The following DTNA variants were observed in gnomAD, a reference collection of about 807,000 sequenced individuals.
The protein encoded by DTNA is dystrobrevin alpha.
A neutral mutation model predicts 100.7 loss-of-function variants in DTNA; 43 were observed. The observed-to-expected ratio is 0.43, with a 90% confidence interval of 0.33 to 0.55. The LOEUF is 0.55. Among genes scored for constraint, DTNA ranks in the 20% least tolerant of loss-of-function variants. The probability of loss-of-function intolerance (pLI) is 0.04; values close to 1 mark genes in which losing one functional copy is unlikely to be tolerated. For missense variants in DTNA, 798 were observed against 953.9 expected (o/e 0.84, Z 2.15); for synonymous variants, 349 against 347.9 (o/e 1.00, Z -0.04).
intron 2 of DTNA, among the ~76,000 whole-genome samples, chr18:34,759,323 G>T (rs116069684): frequency 2.9e-3 from 446 of 152,254 alleles, no homozygotes; most frequent in African/African-American, 0.011. Context: ...CTTTTCTGTT[G>T]TTTTACTCTC....
At chr18:34,807,985 C>T (rs554467159) in intron 5 of DTNA, among the ~76,000 whole-genome samples, 1 of 150,922 alleles carries the variant, frequency 6.6e-6, no homozygotes, top group South Asian at 2.1e-4. Context: ...GTTCTGAGAA[C>T]CTTGTCTGCC....
At chr18:34,687,421 G>A (rs572878111) in intron 1 of DTNA, among the ~76,000 whole-genome samples, 2 of 152,280 alleles carry the variant, frequency 1.3e-5, no homozygotes, top group Admixed American at 6.5e-5. Context: ...TCAGGAGCAG[G>A]TTGTTCAGTT....
chr18:34,671,848 G>A (rs1033156906), intron 1 of DTNA, among the ~76,000 whole-genome samples: 2 of 152,122 alleles, frequency 1.3e-5, no homozygotes, highest in African/African-American at 4.8e-5. Flanking sequence ...TCTTAGAAGT[G>A]TGCAGTGGGC....
rs146673765 is a variant in DTNA, at chr18:34,684,182, A to G, written c.-1-71794A>G. On this transcript the variant is annotated intron_variant, in intron 1 of 19. Coordinates refer to the DTNA transcript ENST00000283365. ...GTATATATATACTTTAGGTTCTGGG[A>G]TACATATGCAGAACGTGCAAGTTTG... Among the ~76,000 whole-genome samples the G allele has an allele frequency of 2.1e-3, 315 of 152,072 alleles. 2 individuals carry two copies. The highest frequency in any genetic ancestry group is 7.3e-3 in the African/African-American group (303 of 41,474).
At chr18:34,688,336 G>T (rs1464717672) in intron 1 of DTNA, among the ~76,000 whole-genome samples, 2 of 152,184 alleles carry the variant, frequency 1.3e-5, no homozygotes, top group East Asian at 3.9e-4. Context: ...AGGCAGGCCT[G>T]ATGGTGACAA....
chr18:34,620,988 A>C (rs2056386181), intron 1 of DTNA, among the ~76,000 whole-genome samples: 2 of 152,074 alleles, frequency 1.3e-5, no homozygotes, highest in Non-Finnish European at 1.5e-5. Flanking sequence ...TTTTAAAAAA[A>C]CCCAGCTATT....
intron 17 of DTNA, among the ~76,000 whole-genome samples, chr18:34,864,444 G>A (rs967225885): frequency 6.6e-6 from 1 of 151,090 alleles, no homozygotes; most frequent in Non-Finnish European, 1.5e-5. Flanking sequence ...TAGTAGAGAC[G>A]GGCTTTCACC....
At chr18:34,758,423 A>G (rs534028689) in intron 2 of DTNA, among the ~76,000 whole-genome samples, 17 of 152,236 alleles carry the variant, frequency 1.1e-4, no homozygotes, top group East Asian at 1.9e-4. Context: ...ATCCAAGACT[A>G]TTGCAACAAG....
At chr18:34,712,438 A>G (rs530306409) in intron 1 of DTNA, among the ~76,000 whole-genome samples, 3 of 152,164 alleles carry the variant, frequency 2.0e-5, no homozygotes, top group Non-Finnish European at 4.4e-5. Flanking sequence ...CTTTGTAGTT[A>G]TGGGCTACCA....
chr18:34,819,426 A>G (rs1479037747), intron 8 of DTNA, among the ~76,000 whole-genome samples: 1 of 152,226 alleles, frequency 6.6e-6, no homozygotes, highest in Non-Finnish European at 1.5e-5. Flanking sequence ...TGTTTATGTC[A>G]TGCTGAGGAC....
intron 5 of DTNA, among the ~76,000 whole-genome samples, chr18:34,809,967 A>G (rs1332482188): frequency 1.3e-5 from 2 of 152,150 alleles, no homozygotes; most frequent in Non-Finnish European, 2.9e-5. Context: ...GGCAACCTAA[A>G]CATAAACTTA....
rs71166025 is a variant in DTNA at position 34,753,336 on chromosome 18, G to GATTTATTT, written c.-1-2619_-1-2612dup. Among the ~76,000 whole-genome samples the GATTTATTT allele has an allele frequency of 3.0e-5, 4 of 135,500 alleles. 1 individual carries two copies. Among genetic ancestry groups the GATTTATTT allele is most frequent in the African/African-American group, 1.2e-4 (4 of 33,322 alleles). 88.9% of individuals were successfully genotyped at this position (135,500 alleles called of 152,430 possible). ...AGCTCCCTAGACTACCATCCTTTGT[G>GATTTATTT]ATTTATTTATTTATTTATTTATTTA... On this transcript the variant is annotated intron_variant, in intron 1 of 22. Coordinates refer to ENST00000444659, the MANE Select transcript of DTNA (RefSeq NM_001386795.1).
At chr18:34,799,043 T>A (rs994286184) in intron 4 of DTNA, among the ~76,000 whole-genome samples, 6 of 152,270 alleles carry the variant, frequency 3.9e-5, no homozygotes, top group African/African-American at 1.4e-4. Context: ...ATTCTGATGC[T>A]TACATTCCTA....
chr18:34,588,008 C>T (rs2146834778), intron 1 of DTNA, among the ~76,000 whole-genome samples: 1 of 152,128 alleles, frequency 6.6e-6, no homozygotes, highest in African/African-American at 2.4e-5. Context: ...GAAGGAAATG[C>T]AAGTAGAAGA....
At chr18:34,881,783 A>G (rs1301759501) in intron 20 of DTNA, among the ~76,000 whole-genome samples, 1 of 152,164 alleles carries the variant, frequency 6.6e-6, no homozygotes, top group Non-Finnish European at 1.5e-5. Context: ...AAATTATAGA[A>G]CATTTAAAGG....
chr18:34,517,459 A>ATGTGTGTGTGTG (rs1186696012), intron 1 of DTNA, among the ~76,000 whole-genome samples: 2 of 26,980 alleles, frequency 7.4e-5, no homozygotes, highest in Admixed American at 5.1e-4. Context: ...TTTTATATAC[A>ATGTGTGTGTGTG]CGTGTGTGTG....
Position 34,842,497 on chromosome 18 carries a change from G to C in DTNA, c.1346+3660G>C, listed in dbSNP as rs553223606. On this transcript the variant is annotated intron_variant, in intron 13 of 22. Coordinates refer to ENST00000444659, the MANE Select transcript of DTNA (RefSeq NM_001386795.1). ...GTTTACAACCCAGACCCCTCACCAT[G>C]GTGTACAAACCTGCATGTGACTTAG... is the stretch of plus-strand genomic sequence containing the variant. 2.4e-4 allele frequency among the ~76,000 whole-genome samples: 37 copies of C among 152,158 alleles called. 1 individual carries two copies. Among genetic ancestry groups the C allele is most frequent in the African/African-American group, 8.9e-4 (37 of 41,516 alleles).
At chr18:34,616,543 T>C (rs1257307185) in intron 1 of DTNA, among the ~76,000 whole-genome samples, 1 of 152,204 alleles carries the variant, frequency 6.6e-6, no homozygotes, top group East Asian at 1.9e-4. Flanking sequence ...CCTAGTAGTA[T>C]GGTTTAAAGT....
At chr18:34,727,157 T>C (rs1051005191) in intron 1 of DTNA, among the ~76,000 whole-genome samples, 1 of 152,204 alleles carries the variant, frequency 6.6e-6, no homozygotes, top group Non-Finnish European at 1.5e-5. Context: ...GGAGCAGTTT[T>C]CTGAGGCTTC....
Sources: allele counts gnomAD v4.1 joint callset (sites outside exome capture counted in the v4.1 genomes callset), GRCh38; gene constraint gnomAD v4.1.1; transcripts MANE v1.5; gene names NCBI Gene and HGNC (gene_info 2026-07-23, HGNC 2026-07-21).